WWP2: variants seen among roughly 807,000 people sequenced by gnomAD.
WWP2 encodes WW domain containing E3 ubiquitin protein ligase 2, also known as NEDD4-like E3 ubiquitin-protein ligase WWP2.
Under a neutral mutation model 121.0 loss-of-function variants are expected in WWP2, and 57 were observed. The ratio of observed to expected loss-of-function variants is 0.47; its 90% CI spans 0.38 to 0.59. The LOEUF (loss-of-function observed/expected upper bound fraction) is 0.59, where lower values mean the gene tolerates loss of function less well. Among genes scored for constraint, WWP2 ranks in the 20% least tolerant of loss-of-function variants. The probability of loss-of-function intolerance (pLI) is 0.00; values close to 1 mark genes in which losing one functional copy is unlikely to be tolerated. For synonymous variants in WWP2, 449 were observed against 441.3 expected, an observed-to-expected ratio of 1.02 and a Z score of -0.22; for missense variants, 962 against 1,158.9, an observed-to-expected ratio of 0.83 and a Z score of 2.47.
At chr16:69,780,253 G>GC (rs1273998604) in intron 1 of WWP2, among the ~76,000 whole-genome samples, 2 of 145,802 alleles carry the variant, frequency 1.4e-5, no homozygotes, top group Non-Finnish European at 3.0e-5. Context: ...GCTGCCACTT[G>GC]CCTTTTTTTT....
intron 1 of WWP2, chr16:69,785,926 C>T (rs2055778565): frequency 6.6e-6 from 1 of 151,930 alleles, no homozygotes; most frequent in Non-Finnish European, 1.5e-5. Flanking sequence ...CTGCACCCAG[C>T]CTACCCATTT....
At chr16:69,775,204 T>C (rs2055499122) in intron 1 of WWP2, 1 of 152,160 alleles carries the variant, frequency 6.6e-6, no homozygotes, top group South Asian at 2.1e-4. Context: ...GTCCTTTTGT[T>C]TTCAGAGAAG....
chr16:69,844,909 T>C (rs2057042033), intron 6 of WWP2, among the ~76,000 whole-genome samples: 1 of 152,214 alleles, frequency 6.6e-6, no homozygotes, highest in Non-Finnish European at 1.5e-5. Flanking sequence ...TTGCAAATAT[T>C]ATCCAAAGGC....
chr16:69,810,800 A>C (rs908092183), intron 4 of WWP2, among the ~76,000 whole-genome samples: 3 of 148,518 alleles, frequency 2.0e-5, no homozygotes, highest in African/African-American at 7.5e-5. Context: ...TGTTGCCCAG[A>C]CTGGAGTGCA....
At chr16:69,851,134 C>T (rs1039379196) in intron 6 of WWP2, among the ~76,000 whole-genome samples, 3 of 151,560 alleles carry the variant, frequency 2.0e-5, no homozygotes, top group Non-Finnish European at 4.4e-5. Context: ...CCTCAGCCTC[C>T]TGAGTAGCTG....
At chr16:69,861,893 C>T (rs1005637110) in intron 6 of WWP2, among the ~76,000 whole-genome samples, 6 of 152,072 alleles carry the variant, frequency 3.9e-5, no homozygotes, top group African/African-American at 1.4e-4. Flanking sequence ...AGACAATGAC[C>T]AGTTAAGAGT....
intron 2 of WWP2, among the ~76,000 whole-genome samples, chr16:69,798,013 C>T (rs190689681): frequency 3.9e-5 from 6 of 152,342 alleles, no homozygotes; most frequent in Non-Finnish European, 4.4e-5. Context: ...CCGCCACGCC[C>T]GGCCTTAGCT....
chr16:69,793,208 CT>C (rs2055950098), intron 2 of WWP2, among the ~76,000 whole-genome samples: 1 of 151,998 alleles, frequency 6.6e-6, no homozygotes, highest in Admixed American at 6.6e-5. Context: ...AAAAAATTAG[CT>C]GGGTGTGATG....
chr16:69,778,186 A>ATTT (rs1372388909), intron 1 of WWP2, among the ~76,000 whole-genome samples: 8 of 90,268 alleles, frequency 8.9e-5, no homozygotes, highest in African/African-American at 5.5e-4. Context: ...ATATATATAT[A>ATTT]TATATATTTT....
chr16:69,850,256 G>A (rs547702055), intron 6 of WWP2, among the ~76,000 whole-genome samples: 2 of 152,046 alleles, frequency 1.3e-5, no homozygotes, highest in Admixed American at 6.6e-5. Context: ...GCGTGGTGGT[G>A]TGCGCCTGTA....
intron 2 of WWP2, among the ~76,000 whole-genome samples, chr16:69,798,161 TG>T (rs1271338177): frequency 3.3e-5 from 5 of 152,208 alleles, no homozygotes; most frequent in Admixed American, 6.5e-5. Flanking sequence ...TTACCTTTCT[TG>T]GAAAGGAATG....
chr16:69,899,905 A>G (rs1597131293), intron 8 of WWP2, among the ~76,000 whole-genome samples: 1 of 152,146 alleles, frequency 6.6e-6, no homozygotes, highest in Admixed American at 6.6e-5. Flanking sequence ...TGTCTTAGTC[A>G]TATTACTTTA....
chr16:69,795,063 G>A (rs1456414936), intron 2 of WWP2, among the ~76,000 whole-genome samples: 10 of 151,998 alleles, frequency 6.6e-5, no homozygotes, highest in South Asian at 4.2e-4. Context: ...GTGAAATCCC[G>A]TCTCTACAAA....
Position 69,941,716 on chromosome 16 carries a change from T to C in WWP2, c.*1776T>C, listed in dbSNP as rs1362722395. The C allele has an allele frequency of 3.9e-5, 6 of 153,706 alleles. No homozygotes were observed. 9.5% of individuals were successfully genotyped at this position (153,706 alleles called of 1,614,324 possible). On this transcript the variant is annotated 3_prime_UTR_variant, in exon 24 of 24. Transcript: ENST00000359154. ...CCTTGCCTCGATATTGCCAGTTTCT[T>C]GTGCAATAAACAATCAGCAGCTGTG... is the stretch of plus-strand genomic sequence containing the variant.
At chr16:69,872,541 G>T (rs1473599640) in intron 7 of WWP2, among the ~76,000 whole-genome samples, 2 of 152,170 alleles carry the variant, frequency 1.3e-5, no homozygotes, top group South Asian at 4.1e-4. Context: ...ATCTGCATTG[G>T]ATTTCATGTT....
intron 9 of WWP2, among the ~76,000 whole-genome samples, chr16:69,916,754 G>A (rs1188526614): frequency 2.0e-5 from 3 of 152,116 alleles, no homozygotes; most frequent in African/African-American, 4.8e-5. Flanking sequence ...GGTGACAGCT[G>A]GTCATGAAGG....
chr16:69,931,464 C>G (rs369405724), intron 14 of WWP2, 45 bp from the exon 15 acceptor site: 451 of 1,610,300 alleles, frequency 2.8e-4, no homozygotes, highest in Non-Finnish European at 3.7e-4. Context: ...GAACAGATGA[C>G]CACTTGAGGC....
At chr16:69,862,449 C>T (rs765319651) in intron 6 of WWP2, among the ~76,000 whole-genome samples, 61 of 151,882 alleles carry the variant, frequency 4.0e-4, no homozygotes, top group Non-Finnish European at 8.2e-4. Context: ...TCACTGCAGC[C>T]TCCATTCCCC....
chr16:69,857,385 G>A (rs116405057), intron 6 of WWP2, among the ~76,000 whole-genome samples: 8,103 of 152,148 alleles, frequency 0.053, 741 homozygotes, highest in African/African-American at 0.18. Flanking sequence ...GAGCCACCAC[G>A]CCTGGCGTAA....
Sources: allele counts gnomAD v4.1 joint callset (sites outside exome capture counted in the v4.1 genomes callset), GRCh38; gene constraint gnomAD v4.1.1; transcripts MANE v1.5; gene names NCBI Gene and HGNC (gene_info 2026-07-23, HGNC 2026-07-21).